ELMO2: variants seen among roughly 807,000 people sequenced by gnomAD.
ELMO2 encodes the protein engulfment and cell motility protein 2.
ELMO2 carries 37 observed loss-of-function variants against 96.2 expected under a neutral mutation model. That is an observed-to-expected ratio of 0.38 (90% CI 0.30 to 0.51). ELMO2 has a LOEUF of 0.51. ELMO2 is among the 20% of genes least tolerant of loss of function. ELMO2 has a pLI of 0.88. For missense variants in ELMO2, 561 were observed against 912.6 expected (o/e 0.61, Z 4.96); for synonymous variants, 315 against 329.4 (o/e 0.96, Z 0.47).
intron 4 of ELMO2, among the ~76,000 whole-genome samples, chr20:46,393,814 G>T (rs926634843): frequency 5.3e-5 from 8 of 152,258 alleles, no homozygotes; most frequent in African/African-American, 1.9e-4. Context: ...CTGAGGAGGG[G>T]TCTCAGATCC....
rs577781881 is a variant in ELMO2, at chr20:46,372,091, C to T, written c.1417-122G>A. ...TGAGCAGGGCAGGCACTACAGACAT[C>T]TGCTGGGTGAGTAAGGTATACCTTC... is the stretch of plus-strand genomic sequence containing the variant. On this transcript the variant is annotated intron_variant, in intron 16 of 21. Transcript: ENST00000290246. The T allele has an allele frequency of 2.4e-5, 29 of 1,206,146 alleles. No homozygotes were observed. The East Asian group carries it at 5.3e-4, about 22-fold the overall frequency. 74.7% of individuals were successfully genotyped at this position (1,206,146 alleles called of 1,614,324 possible). A position where few individuals can be genotyped will look rare whatever the true frequency, so the allele number is the denominator to read the frequency against.
chr20:46,379,013 A>T (rs2145792560), intron 11 of ELMO2, among the ~76,000 whole-genome samples: 1 of 150,660 alleles, frequency 6.6e-6, no homozygotes, highest in Admixed American at 6.6e-5. Context: ...TTTTTTTGAG[A>T]CAGAGTTTCG....
intron 11 of ELMO2, among the ~76,000 whole-genome samples, chr20:46,378,205 T>G (rs1237300717): frequency 6.6e-6 from 1 of 152,232 alleles, no homozygotes; most frequent in Non-Finnish European, 1.5e-5. Context: ...TTTGAGGTTT[T>G]ACCTGAAGTC....
At chr20:46,372,051 C>T (rs777234620) in intron 16 of ELMO2, 82 bp from the exon 17 acceptor site, 170 of 1,574,952 alleles carry the variant, frequency 1.1e-4, no homozygotes, top group Non-Finnish European at 1.3e-4. Context: ...AAGGCTCTTT[C>T]CTGCCCCAGG....
intron 15 of ELMO2, among the ~76,000 whole-genome samples, chr20:46,374,106 T>G (rs1357279441): frequency 1.3e-4 from 19 of 144,402 alleles, no homozygotes; most frequent in Admixed American, 8.9e-4. Context: ...TGGTTTTTTT[T>G]TTTTTTTTTT....
intron 7 of ELMO2, chr20:46,387,653 A>AAAAAT (rs55680714): frequency 4.7e-6 from 1 of 211,502 alleles, no homozygotes; most frequent in Non-Finnish European, 9.7e-6. Flanking sequence ...AAAAAAAAAA[A>AAAAAT]TGTTGCTGGG....
rs752371094 is a variant in ELMO2 at position 46,389,207 on chromosome 20, C to T, written c.257G>A (p.Arg86His). Residue 86 changes from arginine to histidine, a missense_variant, in exon 7 of 22, where the codon CGC becomes CAC. By Grantham distance (29) the Arg-to-His change is conservative. Coordinates refer to ENST00000290246, the MANE Select transcript of ELMO2 (RefSeq NM_133171.5). The part of the protein sequence containing the change: ...QLAISPSRAA[R>H]QLMERTQSSN... ...TGACTGGGTCCTCTCCATCAGCTGG[C>T]GTGCAGCCCGGGACTAGGAGGCCAG... The T allele has an allele frequency of 1.1e-5, 17 of 1,613,750 alleles. No individual in the cohort carries two copies. Among genetic ancestry groups the T allele is most frequent in the South Asian group, 2.2e-5 (2 of 91,050 alleles).
At chr20:46,383,540 C>T in intron 9 of ELMO2, 46 bp from the exon 10 acceptor site, 1 of 1,506,042 alleles carries the variant, frequency 6.6e-7, no homozygotes, top group African/African-American at 1.4e-5. Flanking sequence ...GAAGACTGAA[C>T]AGCAAGATGA....
chr20:46,378,531 A>G (rs2059902998), intron 11 of ELMO2, among the ~76,000 whole-genome samples: 1 of 152,146 alleles, frequency 6.6e-6, no homozygotes, highest in Non-Finnish European at 1.5e-5. Context: ...ATGTGTGGGA[A>G]CCTGTGTACT....
At chr20:46,378,020 C>G (rs1263216430) in intron 11 of ELMO2, among the ~76,000 whole-genome samples, 1 of 152,238 alleles carries the variant, frequency 6.6e-6, no homozygotes, top group Non-Finnish European at 1.5e-5. Context: ...TCTCTCCTCA[C>G]TCTTCTCCCT....
Position 46,375,051 on chromosome 20 carries a change from T to G in ELMO2, c.1065+185A>C, listed in dbSNP as rs2059830110. 6.6e-6 allele frequency among the ~76,000 whole-genome samples: 1 copy of G among 152,048 alleles called. No individual in the cohort carries two copies. The highest frequency in any genetic ancestry group is 2.1e-4 in the South Asian group (1 of 4,830). On this transcript the variant is annotated intron_variant, in intron 13 of 21. Transcript: ENST00000290246. This position sits in a 1 kb window ranked among gnomAD's most constrained non-coding sequence, Gnocchi z 4.6. ...TGGATTCGTTTCACAGGGCCAAACT[T>G]TGCACATAAACTCACAGACTCACCA...
At chr20:46,381,168 C>T (rs1402316131) in intron 10 of ELMO2, among the ~76,000 whole-genome samples, 3 of 152,240 alleles carry the variant, frequency 2.0e-5, no homozygotes, top group African/African-American at 4.8e-5. Context: ...TGAGGAGCTA[C>T]TGAGATGTGA....
At chr20:46,382,374 A>G in intron 10 of ELMO2, 2 of 769,688 alleles carry the variant, frequency 2.6e-6, no homozygotes, top group Non-Finnish European at 1.9e-6. Context: ...AGAACCACAG[A>G]TGCTTCTGGT....
chr20:46,371,346 A>G lies in ELMO2; in HGVS notation c.1801+6T>C. On this transcript the variant is annotated splice_donor_region_variant and intron_variant, in intron 19 of 21. Transcript: ENST00000290246. This position sits in a 1 kb window ranked among gnomAD's most constrained non-coding sequence, Gnocchi z 5.9. ...CCATGACACATCAACAGAGAAATGA[A>G]CCTACTTTTCTCCTGCAGGGATTCA... 1.2e-6 allele frequency: 2 copies of G among 1,613,812 alleles called. No individual in the cohort carries two copies. Among genetic ancestry groups the G allele is most frequent in the East Asian group, 2.2e-5 (1 of 44,884 alleles).
rs370004074 is a variant in ELMO2, at chr20:46,374,446, G to C, written c.1171-6C>G. 50 of 1,613,716 alleles carry C rather than the reference G, an allele frequency of 3.1e-5. No individual in the cohort carries two copies. The African/African-American group carries it at 5.7e-4, about 19-fold the overall frequency. ...CTACTGTTCTCCAAGACAATCTGTC[G>C]GGGGAAGAGAAAGGGAGGATTAGGG... On this transcript the variant is annotated splice_region_variant and splice_polypyrimidine_tract_variant and intron_variant, in intron 14 of 21. Coordinates refer to ENST00000290246, the MANE Select transcript of ELMO2 (RefSeq NM_133171.5).
intron 2 of ELMO2, 140 bp from the exon 3 acceptor site, chr20:46,394,672 C>G (rs1245974692): frequency 4.7e-6 from 3 of 639,964 alleles, no homozygotes; most frequent in Non-Finnish European, 2.7e-6. Context: ...CTAGATCATA[C>G]CACAACTTCT....
In ELMO2 at chr20:46,393,884, G is replaced by T. The variant is rs1173830684; in HGVS notation, c.119+165C>A. 8 of 944,700 alleles carry T rather than the reference G, an allele frequency of 8.5e-6. No individual in the cohort carries two copies. The African/African-American group carries it at 1.3e-4, about 16-fold the overall frequency. 58.5% of individuals were successfully genotyped at this position (944,700 alleles called of 1,614,324 possible). On this transcript the variant is annotated intron_variant, in intron 4 of 21. Transcript: ENST00000290246. ...AAATTAAGAAGTATAAACGTCTTAGGGGTATGGTTGTCAACTGTACTTCCT... is the reference window on the plus strand; with the variant it reads ...AAATTAAGAAGTATAAACGTCTTAGTGGTATGGTTGTCAACTGTACTTCCT...
chr20:46,368,526 G>A (rs1342130892), intron 21 of ELMO2, among the ~76,000 whole-genome samples: 1 of 152,024 alleles, frequency 6.6e-6, no homozygotes, highest in East Asian at 1.9e-4. Flanking sequence ...ATTCCTAGTT[G>A]ACCTTATCTT....
At chr20:46,374,662 A>G (rs761781737) in intron 13 of ELMO2, 22 bp from the exon 14 acceptor site, 3 of 1,608,714 alleles carry the variant, frequency 1.9e-6, no homozygotes, top group South Asian at 2.2e-5. Flanking sequence ...AAGACACCCA[A>G]TTTGAGATGC....
Sources: gnomAD v4.1 joint callset for allele counts (sites outside exome capture counted in the v4.1 genomes callset) on GRCh38, gnomAD v4.1.1 for gene constraint, Gnocchi (gnomAD v3.1) non-coding constraint, MANE v1.5 for transcripts, NCBI Gene and HGNC (gene_info 2026-07-23, HGNC 2026-07-21) for gene names.